The following NPM2 variants were observed in gnomAD, a reference collection of about 807,000 sequenced individuals.
NPM2 encodes the protein nucleoplasmin-2.
In NPM2, 25 loss-of-function variants were observed where a neutral mutation model predicts 32.0. The ratio of observed to expected loss-of-function variants is 0.78; its 90% CI spans 0.57 to 1.09. The LOEUF (loss-of-function observed/expected upper bound fraction) is 1.09, where lower values mean the gene tolerates loss of function less well. Ranked by LOEUF, NPM2 falls within the 50% of genes least tolerant of loss-of-function variation. The pLI, the probability that NPM2 is intolerant of heterozygous loss-of-function variation, is 0.00. For synonymous variants in NPM2, 111 were observed against 94.2 expected, an observed-to-expected ratio of 1.18 and a Z score of -1.04; for missense variants, 282 against 259.9, an observed-to-expected ratio of 1.08 and a Z score of -0.58.
At chr8:22,026,182 C>A (rs1800246401) in intron 5 of NPM2, among the ~76,000 whole-genome samples, 1 of 152,122 alleles carries the variant, frequency 6.6e-6, no homozygotes, top group South Asian at 2.1e-4. Flanking sequence ...GTCTAGGTTG[C>A]ATGCTTCTTA....
intron 5 of NPM2, among the ~76,000 whole-genome samples, chr8:22,026,442 G>C (rs1036340905): frequency 1.4e-5 from 2 of 146,056 alleles, no homozygotes; most frequent in Non-Finnish European, 3.0e-5. Flanking sequence ...TGTGAATAAT[G>C]GCAGTTCTTG....
At chr8:22,028,463 C>G (rs1001342233) in intron 5 of NPM2, among the ~76,000 whole-genome samples, 1 of 144,862 alleles carries the variant, frequency 6.9e-6, no homozygotes, top group African/African-American at 2.6e-5. Flanking sequence ...GGACAACAGG[C>G]GCTCCCCACC....
intron 5 of NPM2, among the ~76,000 whole-genome samples, chr8:22,030,158 G>C (rs1234542110): frequency 6.6e-6 from 1 of 152,098 alleles, no homozygotes; most frequent in Non-Finnish European, 1.5e-5. Flanking sequence ...CTTATACTGG[G>C]TAATTCCTTC....
chr8:22,033,564 AACGCAGACC>A (rs1800513490), intron 6 of NPM2, among the ~76,000 whole-genome samples: 1 of 137,802 alleles, frequency 7.3e-6, no homozygotes, highest in Non-Finnish European at 1.7e-5. Context: ...AGACCATAGC[AACGCAGACC>A]ATAGCAACGC....
chr8:22,029,594 C>T (rs1031365217), intron 5 of NPM2, among the ~76,000 whole-genome samples: 5 of 152,252 alleles, frequency 3.3e-5, no homozygotes, highest in African/African-American at 1.2e-4. Context: ...TTGGTTACCA[C>T]TGCTTCTAGC....
chr8:22,024,542 A>C lies in NPM2; in HGVS notation c.-222A>C, dbSNP rs535774712. ...CACCTGGGAACTGGTTAGAACTACA[A>C]ATTCCCTCGGCCCCACCCAGACCGA... On this transcript the variant is annotated 5_prime_UTR_variant, in exon 1 of 10. Coordinates refer to ENST00000518119, the MANE Select transcript of NPM2 (RefSeq NM_001286680.2). 6.6e-6 allele frequency: 1 copy of C among 152,396 alleles called. No homozygotes were observed. The highest frequency in any genetic ancestry group is 2.1e-4 in the South Asian group (1 of 4,828). 9.4% of individuals were successfully genotyped at this position (152,396 alleles called of 1,614,324 possible).
intron 5 of NPM2, among the ~76,000 whole-genome samples, chr8:22,026,104 C>G (rs1202455009): frequency 6.6e-6 from 1 of 152,176 alleles, no homozygotes; most frequent in Non-Finnish European, 1.5e-5. Flanking sequence ...CCCTGCCTCC[C>G]GTCAGATCAG....
rs1800539686 is a variant in NPM2, at chr8:22,034,202, T to C, written c.458T>C (p.Ile153Thr). ...EEDDEDEDAD[I>T]SLEEQSPVKQ... ...GATGATGAGGATGAGGATGCAGATA[T>C]ATCTCTGGAGGAGCAAAGCCCTGTC... The change falls in exon 7 of 10, where the codon ATA becomes ACA. Residue 153 changes from isoleucine to threonine, a missense_variant. Physicochemically the swap from Ile to Thr is moderately conservative, Grantham distance 89 (BLOSUM62 -1). Coordinates refer to ENST00000518119, the MANE Select transcript of NPM2 (RefSeq NM_001286680.2). 3 of 1,612,798 alleles carry C rather than the reference T, an allele frequency of 1.9e-6. No individual in the cohort carries two copies. Among genetic ancestry groups the C allele is most frequent in the East Asian group, 2.2e-5 (1 of 44,874 alleles).
At chr8:22,032,766 G>A (rs1800481236) in intron 5 of NPM2, among the ~76,000 whole-genome samples, 1 of 152,082 alleles carries the variant, frequency 6.6e-6, no homozygotes, top group African/African-American at 2.4e-5. Context: ...GTTCTATCAT[G>A]AGGGTCCTGC....
Position 22,034,098 on chromosome 8 carries a change from T to C in NPM2, c.365-11T>C. The C allele has an allele frequency of 5.1e-6, 8 of 1,574,950 alleles. No individual in the cohort carries two copies. The highest frequency in any genetic ancestry group is 6.0e-6 in the Non-Finnish European group (7 of 1,162,704). On this transcript the variant is annotated splice_polypyrimidine_tract_variant and intron_variant, in intron 6 of 9. Transcript: ENST00000518119. ...AGCTGTGCCCCTGCATCCTTTCCCATGCTATTACAGAAGCATCAGACCTAA... is the reference window on the plus strand; with the variant it reads ...AGCTGTGCCCCTGCATCCTTTCCCACGCTATTACAGAAGCATCAGACCTAA...
rs573320759 is a variant in NPM2, at chr8:22,034,118, A to T, written c.374A>T (p.Asp125Val). ...TCCCATGCTATTACAGAAGCATCAG[A>T]CCTAACCTGGGAGGAGGAGGAGGAA... Reference protein sequence around the residue: ...LSGQERYEASDLTWEEEEEEE... With the variant: ...LSGQERYEASVLTWEEEEEEE... The change falls in exon 7 of 10, where the codon GAC becomes GTC. Residue 125 changes from aspartate to valine, a missense_variant. By Grantham distance (152) the Asp-to-Val change is radical (BLOSUM62 -3). Coordinates refer to ENST00000518119, the MANE Select transcript of NPM2 (RefSeq NM_001286680.2). 6.3e-7 allele frequency: 1 copy of T among 1,598,650 alleles called. No individual in the cohort carries two copies. Among genetic ancestry groups the T allele is most frequent in the Non-Finnish European group, 8.5e-7 (1 of 1,173,746 alleles).
intron 5 of NPM2, among the ~76,000 whole-genome samples, chr8:22,029,432 C>T (rs1361538268): frequency 2.6e-5 from 4 of 152,326 alleles, no homozygotes; most frequent in African/African-American, 9.6e-5. Context: ...GTGTGAGCTA[C>T]CGCACCTGGC....
chr8:22,029,616 C>T (rs1191156734), intron 5 of NPM2, among the ~76,000 whole-genome samples: 1 of 152,238 alleles, frequency 6.6e-6, no homozygotes, highest in African/African-American at 2.4e-5. Flanking sequence ...CCCACTTCTT[C>T]CTTCTTGATC....
intron 5 of NPM2, among the ~76,000 whole-genome samples, chr8:22,027,268 C>T (rs1303735576): frequency 6.6e-6 from 1 of 152,202 alleles, no homozygotes; most frequent in African/African-American, 2.4e-5. Flanking sequence ...CTAGGATCAG[C>T]TGTCCTTGGA....
chr8:22,028,333 C>T (rs558872918), intron 5 of NPM2, among the ~76,000 whole-genome samples: 5 of 143,470 alleles, frequency 3.5e-5, no homozygotes, highest in African/African-American at 1.3e-4. Flanking sequence ...CACACAGCTG[C>T]CAAAAAGATT....
At chr8:22,028,718 C>T (rs533883470) in intron 5 of NPM2, among the ~76,000 whole-genome samples, 4 of 152,076 alleles carry the variant, frequency 2.6e-5, no homozygotes, top group Admixed American at 1.3e-4. Flanking sequence ...GAATAAGAGC[C>T]GAGAGTGTAT....
At chr8:22,033,494 C>T (rs1274214797) in intron 6 of NPM2, among the ~76,000 whole-genome samples, 1 of 152,180 alleles carries the variant, frequency 6.6e-6, no homozygotes, top group African/African-American at 2.4e-5. Context: ...AGGAAAAGCA[C>T]TCAGCGTAAT....
At chr8:22,026,574 C>T (rs1410859489) in intron 5 of NPM2, among the ~76,000 whole-genome samples, 1 of 151,072 alleles carries the variant, frequency 6.6e-6, no homozygotes, top group Non-Finnish European at 1.5e-5. Context: ...AGTGCCTCAG[C>T]CTTCGGAGTA....
rs376012931 is a variant in NPM2, at chr8:22,034,262, C to T, written c.518C>T (p.Ala173Val). ...QVKRLVPQKQASVAKKKKLEK... is the reference protein window; with the variant it reads ...QVKRLVPQKQVSVAKKKKLEK... ...AAAAGGCTGGTGCCCCAGAAGCAGG[C>T]GAGCGTGGCTAAGGTGGGGGAAGGA... The change falls in exon 7 of 10, where the codon GCG (alanine) becomes GTG (valine). Residue 173 changes from alanine to valine, a missense_variant. Transcript: ENST00000518119. The T allele has an allele frequency of 5.0e-6, 8 of 1,593,866 alleles. No homozygotes were observed. In the Admixed American group the frequency reaches 5.1e-5, roughly 10 times the overall value.
Sources: gnomAD v4.1 joint callset for allele counts (sites outside exome capture counted in the v4.1 genomes callset) on GRCh38, gnomAD v4.1.1 for gene constraint, MANE v1.5 for transcripts, NCBI Gene and HGNC (gene_info 2026-07-23, HGNC 2026-07-21) for gene names.